ZDHHC23: variants seen among roughly 807,000 people sequenced by gnomAD.
ZDHHC23 encodes zDHHC palmitoyltransferase 23, also known as palmitoyltransferase ZDHHC23.
ZDHHC23 carries 41 observed loss-of-function variants against 40.2 expected under a neutral mutation model. That is an observed-to-expected ratio of 1.02 (90% CI 0.79 to 1.32). The LOEUF is 1.32. Ranked by LOEUF, ZDHHC23 falls within the 40% of genes most tolerant of loss-of-function variation. The pLI, the probability that ZDHHC23 is intolerant of heterozygous loss-of-function variation, is 0.00. For missense variants in ZDHHC23, 471 were observed against 541.5 expected (o/e 0.87, Z 1.29); for synonymous variants, 204 against 210.2 (o/e 0.97, Z 0.26).
the ZDHHC23 span, chr3:113,978,540 T>C: frequency 1.3e-5 from 8 of 612,166 alleles, no homozygotes; most frequent in African/African-American, 3.7e-5. Flanking sequence ...GAAACAGTTA[T>C]AAGATTGAAG....
the ZDHHC23 span, among the ~76,000 whole-genome samples, chr3:113,977,072 T>C: frequency 6.6e-6 from 1 of 152,096 alleles, no homozygotes; most frequent in Non-Finnish European, 1.5e-5. Flanking sequence ...TAAACACCCA[T>C]GCACAAACAT....
At chr3:113,965,319 C>G, downstream of ZDHHC23, 2 of 1,610,036 alleles carry the variant, frequency 1.2e-6, no homozygotes, top group Non-Finnish European at 1.7e-6. Context: ...ATAAATTTTA[C>G]AAACTTCTTC....
rs1478107856 is a variant in ZDHHC23, at chr3:113,959,614, G to A, written c.*984G>A. The A allele has an allele frequency of 5.0e-6, 6 of 1,202,144 alleles. No homozygotes were observed. The highest frequency in any genetic ancestry group is 3.1e-5 in the African/African-American group (2 of 64,862). The allele number at this position is 1,202,144 out of a possible 1,614,324, so 74.5% of individuals were successfully genotyped here. Reference sequence around the variant, plus strand: ...CTCTCTTTTCTGGTAGGAAGGCTGAGTAACATCACGGGCTCGATTATTTTC... The same window carrying A: ...CTCTCTTTTCTGGTAGGAAGGCTGAATAACATCACGGGCTCGATTATTTTC... On this transcript the variant is annotated 3_prime_UTR_variant, in exon 5 of 5. Coordinates refer to ENST00000638807, the MANE Select transcript of ZDHHC23 (RefSeq NM_001320466.2).
the ZDHHC23 span, chr3:113,978,858 C>T: frequency 1.2e-6 from 2 of 1,613,604 alleles, no homozygotes; most frequent in South Asian, 1.1e-5. Flanking sequence ...ATGTCCTTAC[C>T]TGTAGCCAGC....
downstream of ZDHHC23, among the ~76,000 whole-genome samples, chr3:113,963,543 C>T (rs1939839981): frequency 7.0e-6 from 1 of 143,740 alleles, no homozygotes; most frequent in South Asian, 2.2e-4. Flanking sequence ...TCAAGACTAG[C>T]CTGGGCAACA....
In ZDHHC23 at chr3:113,962,707, T is replaced by C. The variant is rs1419668496; in HGVS notation, c.*4077T>C. On this transcript the variant is annotated 3_prime_UTR_variant, in exon 5 of 5. Coordinates refer to ENST00000638807, the MANE Select transcript of ZDHHC23 (RefSeq NM_001320466.2). ...TGCATATCTGGGTTGGATGTTAGACTAAAGGAAACCCAGGAATATTTACCT... is the reference window on the plus strand; with the variant it reads ...TGCATATCTGGGTTGGATGTTAGACCAAAGGAAACCCAGGAATATTTACCT... 1.3e-5 allele frequency: 2 copies of C among 152,206 alleles called. No homozygotes were observed. The highest frequency in any genetic ancestry group is 4.8e-5 in the African/African-American group (2 of 41,434). The allele number at this position is 152,206 out of a possible 1,614,324, so 9.4% of individuals were successfully genotyped here.
rs937677286 is a variant in ZDHHC23 at position 113,961,411 on chromosome 3, G to T, written c.*2781G>T. 1 of 152,610 alleles carries T rather than the reference G, an allele frequency of 6.6e-6. No individual in the cohort carries two copies. Among genetic ancestry groups the T allele is most frequent in the Non-Finnish European group, 1.5e-5 (1 of 68,060 alleles). 9.5% of individuals were successfully genotyped at this position (152,610 alleles called of 1,614,324 possible). On this transcript the variant is annotated 3_prime_UTR_variant, in exon 5 of 5. Transcript: ENST00000638807. ...GAAAGATTAAGGATCAGGATTGCAT[G>T]AAAGAAGAAAATCCTTCAATATTTA...
At position 113,958,481 on chromosome 3, in the gene ZDHHC23, C is replaced by T; in HGVS notation, c.1159C>T (p.Gln387Ter). The T allele has an allele frequency of 1.2e-6, 2 of 1,614,110 alleles. No individual in the cohort carries two copies. The highest frequency in any genetic ancestry group is 1.7e-6 in the Non-Finnish European group (2 of 1,180,024). ...SYNVTEREVQ[Q>*]ALRQKTGRRL... ...CAATGTGACTGAGCGGGAAGTCCAG[C>T]AGGCCCTCCGACAGAAGACTGGGCG... Residue 387 changes from glutamine (Q) to a stop codon, truncating the protein, a stop_gained, in exon 5 of 5, where the codon CAG becomes TAG. Coordinates refer to ENST00000638807, the MANE Select transcript of ZDHHC23 (RefSeq NM_001320466.2). LOFTEE classifies it high-confidence loss of function.
chr3:113,958,056 A>T (rs1191939515), intron 4 of ZDHHC23, among the ~76,000 whole-genome samples: 1 of 152,210 alleles, frequency 6.6e-6, no homozygotes, highest in Non-Finnish European at 1.5e-5. Context: ...TTATTTAACA[A>T]ACAGGTGTTG....
In ZDHHC23 at chr3:113,960,170, T is replaced by C. The variant is rs1479316995; in HGVS notation, c.*1540T>C. ...GATTTATATTTGTTGAGAGGAAATATTGCTACTTCCTGCACTTCCACCCTC... is the reference window on the plus strand; with the variant it reads ...GATTTATATTTGTTGAGAGGAAATACTGCTACTTCCTGCACTTCCACCCTC... On this transcript the variant is annotated 3_prime_UTR_variant, in exon 5 of 5. Coordinates refer to ENST00000638807, the MANE Select transcript of ZDHHC23 (RefSeq NM_001320466.2). 1.6e-5 allele frequency: 16 copies of C among 990,140 alleles called. No homozygotes were observed. Among genetic ancestry groups the C allele is most frequent in the Non-Finnish European group, 1.9e-5 (16 of 832,738 alleles). 61.3% of individuals were successfully genotyped at this position (990,140 alleles called of 1,614,324 possible).
Position 113,960,378 on chromosome 3 carries a change from G to A in ZDHHC23, c.*1748G>A. On this transcript the variant is annotated 3_prime_UTR_variant, in exon 5 of 5. Transcript: ENST00000638807. Reference sequence around the variant, plus strand: ...ACAGTGATGCCTTCTCCCTGGCCCAGAGCTGAATATTCATCTAGAATTAAA... The same window carrying A: ...ACAGTGATGCCTTCTCCCTGGCCCAAAGCTGAATATTCATCTAGAATTAAA... 8.5e-7 allele frequency: 1 copy of A among 1,177,226 alleles called. No individual in the cohort carries two copies. The highest frequency in any genetic ancestry group is 1.1e-6 in the Non-Finnish European group (1 of 950,258). 72.9% of individuals were successfully genotyped at this position (1,177,226 alleles called of 1,614,324 possible). A position where few individuals can be genotyped will look rare whatever the true frequency, so the allele number is the denominator to read the frequency against.
At chr3:113,976,190 C>T in the ZDHHC23 span, among the ~76,000 whole-genome samples, 10 of 151,700 alleles carry the variant, frequency 6.6e-5, no homozygotes, top group Non-Finnish European at 1.0e-4. Context: ...ACCCAGGAGG[C>T]GGAGGTTGCA....
downstream of ZDHHC23, chr3:113,964,364 A>G (rs1390290334): frequency 6.6e-6 from 1 of 152,240 alleles, no homozygotes; most frequent in Admixed American, 6.5e-5. Flanking sequence ...CAGTCTTTAT[A>G]GCATCTTAAA....
In ZDHHC23 at chr3:113,958,231, C is replaced by T; in HGVS notation, c.1041-132C>T. On this transcript the variant is annotated intron_variant, in intron 4 of 4. Transcript: ENST00000638807. ...AGGTTATTGGCATTCTGAGTATCTT[C>T]CAGTTCGGAGGGTTGGGGAAGATGC... 3 of 741,702 alleles carry T rather than the reference C, an allele frequency of 4.0e-6. No individual in the cohort carries two copies. The South Asian group carries it at 5.4e-5, about 13-fold the overall frequency. 45.9% of individuals were successfully genotyped at this position (741,702 alleles called of 1,614,324 possible).
the ZDHHC23 span, among the ~76,000 whole-genome samples, chr3:113,975,926 T>A: frequency 6.6e-6 from 1 of 152,146 alleles, no homozygotes; most frequent in Non-Finnish European, 1.5e-5. Context: ...TTTCACAACT[T>A]CAAATCCTAA....
chr3:113,978,602 C>A, the ZDHHC23 span: 2 of 581,016 alleles, frequency 3.4e-6, no homozygotes, highest in East Asian at 2.9e-5. Context: ...CAAGAAATGA[C>A]TATAAAAACA....
chr3:113,960,863 C>G lies in ZDHHC23; in HGVS notation c.*2233C>G, dbSNP rs1002954785. On this transcript the variant is annotated 3_prime_UTR_variant, in exon 5 of 5. Transcript: ENST00000638807. Reference sequence around the variant, plus strand: ...CAGTTGACAGAATGCTTAAACCTGTCAAAAGATGAGTGATCTTGTGTGGGA... The same window carrying G: ...CAGTTGACAGAATGCTTAAACCTGTGAAAAGATGAGTGATCTTGTGTGGGA... 55 of 1,396,380 alleles carry G rather than the reference C, an allele frequency of 3.9e-5. No individual in the cohort carries two copies. Among genetic ancestry groups the G allele is most frequent in the Non-Finnish European group, 4.9e-5 (52 of 1,057,874 alleles). 86.5% of individuals were successfully genotyped at this position (1,396,380 alleles called of 1,614,324 possible).
chr3:113,978,826 T>C, the ZDHHC23 span: 1 of 1,593,838 alleles, frequency 6.3e-7, no homozygotes, highest in Non-Finnish European at 8.6e-7. Flanking sequence ...AGCAATGAGA[T>C]GTATTTAAGG....
chr3:113,966,178 GAC>G (rs1345093475), downstream of ZDHHC23, among the ~76,000 whole-genome samples: 7 of 152,140 alleles, frequency 4.6e-5, no homozygotes, highest in Admixed American at 2.0e-4. Context: ...CTGGTAACCT[GAC>G]CTCCAACAGC....
Sources: allele counts gnomAD v4.1 joint callset (sites outside exome capture counted in the v4.1 genomes callset), GRCh38; gene constraint gnomAD v4.1.1; transcripts MANE v1.5; gene names NCBI Gene and HGNC (gene_info 2026-07-23, HGNC 2026-07-21).